The following KIAA1328 variants were observed in gnomAD, a reference collection of about 807,000 sequenced individuals.
KIAA1328 encodes KIAA1328, also known as protein hinderin.
In KIAA1328, 52 loss-of-function variants were observed where a neutral mutation model predicts 68.1. That is an observed-to-expected ratio of 0.76 (90% CI 0.61 to 0.96). The LOEUF (loss-of-function observed/expected upper bound fraction) is 0.96. Among genes scored for constraint, KIAA1328 ranks in the 40% least tolerant of loss-of-function variants. The pLI is 0.00. For synonymous variants in KIAA1328, 232 were observed against 239.4 expected (o/e 0.97, Z 0.28); for missense variants, 641 against 677.6 (o/e 0.95, Z 0.60).
At chr18:37,217,624 G>A (rs1435109004) in intron 9 of KIAA1328, among the ~76,000 whole-genome samples, 2 of 152,134 alleles carry the variant, frequency 1.3e-5, no homozygotes, top group Non-Finnish European at 2.9e-5. Context: ...TTCAACCTTG[G>A]TGAATCTGAC....
At chr18:36,957,530 G>A (rs2151261880) in intron 5 of KIAA1328, among the ~76,000 whole-genome samples, 1 of 152,234 alleles carries the variant, frequency 6.6e-6, no homozygotes, top group South Asian at 2.1e-4. Flanking sequence ...TTTAGGAGTT[G>A]TGAGAGAGGG....
At chr18:36,991,906 A>G (rs1466100533) in intron 6 of KIAA1328, among the ~76,000 whole-genome samples, 2 of 152,246 alleles carry the variant, frequency 1.3e-5, no homozygotes, top group Admixed American at 6.5e-5. Context: ...TAAAATGGAC[A>G]GCTTAGCCAG....
At chr18:37,097,788 A>C (rs1165649326) in intron 7 of KIAA1328, among the ~76,000 whole-genome samples, 1 of 152,164 alleles carries the variant, frequency 6.6e-6, no homozygotes, top group Non-Finnish European at 1.5e-5. Context: ...GAGGTCCTTC[A>C]CATCCCTTGT....
intron 7 of KIAA1328, among the ~76,000 whole-genome samples, chr18:37,158,418 G>C (rs1386757525): frequency 6.6e-6 from 1 of 152,140 alleles, no homozygotes; most frequent in Non-Finnish European, 1.5e-5. Flanking sequence ...CTGACACTGG[G>C]TATTAATGGA....
rs151033245 is a variant in KIAA1328 at position 37,015,379 on chromosome 18, C to T, written c.577-51511C>T. 4.0e-4 allele frequency among the ~76,000 whole-genome samples: 61 copies of T among 152,176 alleles called. No individual in the cohort carries two copies. In the East Asian group the frequency reaches 0.01, roughly 26 times the overall value. ...TACGTGTCTGTTTTTGTACCAGTAC[C>T]GTGCTGTTTTGGTTACTATATCCTT... On this transcript the variant is annotated intron_variant, in intron 6 of 9. Transcript: ENST00000280020.
At chr18:37,200,120 A>T (rs1179228150) in intron 9 of KIAA1328, among the ~76,000 whole-genome samples, 1 of 152,248 alleles carries the variant, frequency 6.6e-6, no homozygotes, top group Non-Finnish European at 1.5e-5. Context: ...ACCTAAAAGG[A>T]AGAGCCTGAG....
chr18:36,917,132 C>A (rs556419111), intron 5 of KIAA1328, among the ~76,000 whole-genome samples: 1 of 152,234 alleles, frequency 6.6e-6, no homozygotes, highest in South Asian at 2.1e-4. Flanking sequence ...ATAACAAAGT[C>A]TTTCATTTCC....
chr18:37,173,013 T>A lies in KIAA1328; in HGVS notation c.1455T>A (p.Pro485=). The A allele has an allele frequency of 6.2e-7, 1 of 1,613,740 alleles. No individual in the cohort carries two copies. The highest frequency in any genetic ancestry group is 8.5e-7 in the Non-Finnish European group (1 of 1,179,688). ...TTAGAAAAGATGCGTCTACATCTCC[T>A]ATGCCAACAGGAAGCCTAAAGGATT... The part of the protein sequence containing the change: ...TGVRKDASTS[P]MPTGSLKDFV... The change falls in exon 9 of 10, where the codon CCT becomes CCA. Residue 485 remains proline (P), a synonymous_variant. Coordinates refer to ENST00000280020, the MANE Select transcript of KIAA1328 (RefSeq NM_020776.3).
chr18:36,994,226 T>TA (rs1257902107), intron 6 of KIAA1328, among the ~76,000 whole-genome samples: 2 of 152,188 alleles, frequency 1.3e-5, no homozygotes, highest in Non-Finnish European at 2.9e-5. Flanking sequence ...CTCATATTGT[T>TA]ACTCCTCTGT....
intron 7 of KIAA1328, among the ~76,000 whole-genome samples, chr18:37,069,159 C>CG (rs1384000339): frequency 6.6e-6 from 1 of 151,974 alleles, no homozygotes; most frequent in African/African-American, 2.4e-5. Context: ...ATTAAACCAG[C>CG]CTTGCATCCC....
chr18:37,229,347 A>G (rs897245122), downstream of KIAA1328, among the ~76,000 whole-genome samples: 4 of 152,150 alleles, frequency 2.6e-5, no homozygotes, highest in Non-Finnish European at 5.9e-5. Flanking sequence ...TCATCCCATT[A>G]TATGGGTTAT....
At chr18:36,959,461 T>A in intron 6 of KIAA1328, 26 bp downstream of exon 6, 3 of 1,596,934 alleles carry the variant, frequency 1.9e-6, no homozygotes, top group Non-Finnish European at 2.6e-6. Context: ...TTTACTTTTC[T>A]TGTCTTCAGT....
intron 8 of KIAA1328, among the ~76,000 whole-genome samples, chr18:37,165,390 G>GT (rs1221704811): frequency 4.0e-5 from 6 of 151,108 alleles, no homozygotes; most frequent in Non-Finnish European, 5.9e-5. Flanking sequence ...TAGCTGAAGG[G>GT]TTTTTTTTAT....
intron 6 of KIAA1328, among the ~76,000 whole-genome samples, chr18:37,009,928 A>G (rs953022425): frequency 6.6e-6 from 1 of 152,184 alleles, no homozygotes; most frequent in Non-Finnish European, 1.5e-5. Flanking sequence ...ATTATCTGAG[A>G]GTATTTATTC....
At chr18:37,168,168 A>G (rs548905806) in intron 8 of KIAA1328, among the ~76,000 whole-genome samples, 79 of 152,350 alleles carry the variant, frequency 5.2e-4, no homozygotes, top group African/African-American at 1.9e-3. Context: ...ACATTCTTTC[A>G]TGCTATCTGC....
At chr18:36,891,926 G>A (rs566954871) in intron 5 of KIAA1328, among the ~76,000 whole-genome samples, 1 of 152,288 alleles carries the variant, frequency 6.6e-6, no homozygotes, top group South Asian at 2.1e-4. Flanking sequence ...TCTGAGGACT[G>A]TATTAAGAAT....
At chr18:37,120,811 C>G (rs1466225455) in intron 7 of KIAA1328, among the ~76,000 whole-genome samples, 1 of 152,048 alleles carries the variant, frequency 6.6e-6, no homozygotes, top group African/African-American at 2.4e-5. Context: ...AAAATGGATA[C>G]TTTTTTAAAG....
intron 6 of KIAA1328, among the ~76,000 whole-genome samples, chr18:37,028,901 G>A (rs1158645517): frequency 6.6e-6 from 1 of 152,066 alleles, no homozygotes; most frequent in East Asian, 1.9e-4. Flanking sequence ...GCTTTTTGAG[G>A]TGCTGCTGGA....
At chr18:37,098,100 C>A (rs965700147) in intron 7 of KIAA1328, among the ~76,000 whole-genome samples, 6 of 152,152 alleles carry the variant, frequency 3.9e-5, no homozygotes, top group African/African-American at 1.4e-4. Flanking sequence ...GCCAGAACTT[C>A]CAATACTATG....
Sources: allele counts gnomAD v4.1 joint callset (sites outside exome capture counted in the v4.1 genomes callset), GRCh38; gene constraint gnomAD v4.1.1; transcripts MANE v1.5; gene names NCBI Gene and HGNC (gene_info 2026-07-23, HGNC 2026-07-21).